TMTC2: variants seen among roughly 807,000 people sequenced by gnomAD.
TMTC2 encodes protein O-mannosyl-transferase TMTC2.
In TMTC2, 43 loss-of-function variants were observed where a neutral mutation model predicts 82.4. The ratio of observed to expected loss-of-function variants is 0.52; its 90% CI spans 0.41 to 0.67. The LOEUF (loss-of-function observed/expected upper bound fraction) is 0.67, where lower values mean the gene tolerates loss of function less well. TMTC2 is among the 30% of genes least tolerant of loss of function. The pLI is 0.00. For synonymous variants in TMTC2, 408 were observed against 381.9 expected (o/e 1.07, Z -0.80); for missense variants, 919 against 1,012.4 (o/e 0.91, Z 1.25).
intron 1 of TMTC2, among the ~76,000 whole-genome samples, chr12:82,778,572 G>A (rs1032810017): frequency 4.3e-4 from 66 of 152,160 alleles, no homozygotes; most frequent in African/African-American, 1.4e-3. Flanking sequence ...AAAATCGGCC[G>A]GGCGCAGTGG....
intron 1 of TMTC2, among the ~76,000 whole-genome samples, chr12:82,827,297 G>A (rs1386123952): frequency 1.3e-5 from 2 of 152,124 alleles, no homozygotes; most frequent in Non-Finnish European, 2.9e-5. Flanking sequence ...TGGAACAAGA[G>A]AAAAGTAAGT....
chr12:82,696,067 C>G (rs1374268523), intron 1 of TMTC2, among the ~76,000 whole-genome samples: 2 of 152,126 alleles, frequency 1.3e-5, no homozygotes, highest in Non-Finnish European at 2.9e-5. Flanking sequence ...AAATAATTAA[C>G]TATACAACTG....
At position 83,035,272 on chromosome 12, in the gene TMTC2, G is replaced by T. The variant is rs541963711; in HGVS notation, c.2152+4393G>T. 3.1e-4 allele frequency among the ~76,000 whole-genome samples: 47 copies of T among 152,264 alleles called. No individual in the cohort carries two copies. In the South Asian group the frequency reaches 6.4e-3, roughly 21 times the overall value. ...TTGTGTTTTTGTATCCACTAGTTTT[G>T]TTCGGGGGAAGAGATTGCATTGCAT... is the stretch of plus-strand genomic sequence containing the variant. On this transcript the variant is annotated intron_variant, in intron 9 of 11. Transcript: ENST00000321196.
chr12:83,067,813 T>G (rs944107023), intron 11 of TMTC2, among the ~76,000 whole-genome samples: 1 of 152,110 alleles, frequency 6.6e-6, no homozygotes, highest in African/African-American at 2.4e-5. Context: ...ATTTATATGC[T>G]AACTGTTGTA....
chr12:83,079,796 G>C (rs980046262), intron 11 of TMTC2, among the ~76,000 whole-genome samples: 4 of 152,028 alleles, frequency 2.6e-5, no homozygotes, highest in Admixed American at 2.0e-4. Context: ...AAAATACATG[G>C]ACATATATCT....
intron 9 of TMTC2, among the ~76,000 whole-genome samples, chr12:83,044,209 A>G (rs1170277898): frequency 2.6e-5 from 4 of 152,178 alleles, no homozygotes; most frequent in Non-Finnish European, 1.5e-5. Context: ...CCACATAGAG[A>G]TATTATTAAT....
chr12:82,905,902 G>A (rs904337458), intron 3 of TMTC2, among the ~76,000 whole-genome samples: 5 of 150,404 alleles, frequency 3.3e-5, no homozygotes, highest in African/African-American at 4.9e-5. Flanking sequence ...CCGAGATCGC[G>A]TCATTGCACC....
chr12:82,697,588 G>A (rs1267840183), intron 1 of TMTC2, among the ~76,000 whole-genome samples: 1 of 152,060 alleles, frequency 6.6e-6, no homozygotes, highest in African/African-American at 2.4e-5. Flanking sequence ...TTCAACAACG[G>A]CATCTTTAAG....
chr12:82,852,292 A>G (rs1871020039), intron 1 of TMTC2, among the ~76,000 whole-genome samples: 1 of 151,918 alleles, frequency 6.6e-6, no homozygotes, highest in Non-Finnish European at 1.5e-5. Context: ...TGTTTTTAGT[A>G]GAGACAGGGT....
chr12:83,031,678 G>A (rs1328002128), intron 9 of TMTC2, among the ~76,000 whole-genome samples: 1 of 152,078 alleles, frequency 6.6e-6, no homozygotes, highest in African/African-American at 2.4e-5. Flanking sequence ...AAAGTGGACA[G>A]AAATTAAATA....
intron 8 of TMTC2, among the ~76,000 whole-genome samples, chr12:83,016,911 C>A (rs1880705071): frequency 6.6e-6 from 1 of 152,150 alleles, no homozygotes; most frequent in African/African-American, 2.4e-5. Flanking sequence ...GACCATACAT[C>A]TGAAGTACTT....
chr12:82,978,254 A>C (rs1005138833), intron 7 of TMTC2, among the ~76,000 whole-genome samples: 1 of 151,798 alleles, frequency 6.6e-6, no homozygotes, highest in Non-Finnish European at 1.5e-5. Context: ...TTACCTCTTT[A>C]TGAAATGAAT....
intron 1 of TMTC2, among the ~76,000 whole-genome samples, chr12:82,853,690 G>T (rs185268050): frequency 6.6e-6 from 1 of 152,286 alleles, no homozygotes; most frequent in East Asian, 1.9e-4. Flanking sequence ...GCCACAGAAA[G>T]GATGGAGTAT....
chr12:83,074,329 T>A (rs1218210855), intron 11 of TMTC2, among the ~76,000 whole-genome samples: 1 of 152,132 alleles, frequency 6.6e-6, no homozygotes, highest in Non-Finnish European at 1.5e-5. Context: ...ATGTGAACCA[T>A]CTGTGGGTCT....
intron 2 of TMTC2, among the ~76,000 whole-genome samples, chr12:82,863,483 A>C (rs1179718438): frequency 6.6e-6 from 1 of 152,198 alleles, no homozygotes; most frequent in African/African-American, 2.4e-5. Context: ...AGCTGCCAAC[A>C]CTGCTAACCA....
intron 4 of TMTC2, among the ~76,000 whole-genome samples, chr12:82,960,792 AT>A (rs1877890201): frequency 6.8e-6 from 1 of 147,586 alleles, no homozygotes; most frequent in Non-Finnish European, 1.5e-5. Flanking sequence ...TCTAAAAAAA[AT>A]TTTAACAAAT....
intron 1 of TMTC2, among the ~76,000 whole-genome samples, chr12:82,838,784 G>GT (rs201941481): frequency 0.25 from 33,608 of 135,136 alleles, 8,726 homozygotes; most frequent in African/African-American, 0.66. Flanking sequence ...ATTTTTTCTT[G>GT]TTTTTTTTTT....
At chr12:82,943,534 G>A in intron 4 of TMTC2, among the ~76,000 whole-genome samples, 1 of 152,120 alleles carries the variant, frequency 6.6e-6, no homozygotes, top group Middle Eastern at 3.2e-3. Flanking sequence ...GTCCACAGTT[G>A]ATTTTGCACT....
intron 10 of TMTC2, among the ~76,000 whole-genome samples, chr12:83,052,266 C>T (rs1373286026): frequency 1.3e-5 from 2 of 151,966 alleles, no homozygotes; most frequent in Non-Finnish European, 2.9e-5. Context: ...ATTGTAGATT[C>T]ACCTGTAGTT....
Sources: gnomAD v4.1 joint callset for allele counts (sites outside exome capture counted in the v4.1 genomes callset) on GRCh38, gnomAD v4.1.1 for gene constraint, MANE v1.5 for transcripts, NCBI Gene and HGNC (gene_info 2026-07-23, HGNC 2026-07-21) for gene names.